Variants in ANXA8 observed in about 807,000 individuals in gnomAD.
ANXA8 encodes annexin A8, also known as VAC-beta.
In ANXA8, 9 loss-of-function variants were observed where a neutral mutation model predicts 26.8. That is an observed-to-expected ratio of 0.34 (90% CI 0.20 to 0.59). The LOEUF is 0.59. ANXA8 is among the 20% of genes least tolerant of loss of function. The pLI, the probability that ANXA8 is intolerant of heterozygous loss-of-function variation, is 0.84. For synonymous variants in ANXA8, 39 were observed against 94.8 expected (o/e 0.41, Z 3.42); for missense variants, 83 against 238.5 (o/e 0.35, Z 4.29).
the ANXA8 span, among the ~76,000 whole-genome samples, chr10:47,659,029 G>A: frequency 3.3e-5 from 5 of 151,016 alleles, no homozygotes; most frequent in East Asian, 2.0e-4. Flanking sequence ...CCGCCACCAC[G>A]CCCGGCTGAT....
the ANXA8 span, among the ~76,000 whole-genome samples, chr10:47,941,197 G>A: frequency 6.8e-6 from 1 of 146,136 alleles, no homozygotes; most frequent in East Asian, 2.1e-4. Context: ...CAGACACCTG[G>A]CAGTATTTTT....
At chr10:47,982,062 G>T in the ANXA8 span, among the ~76,000 whole-genome samples, 1 of 150,904 alleles carries the variant, frequency 6.6e-6, no homozygotes, top group Non-Finnish European at 1.5e-5. Context: ...GCTAAGTTGG[G>T]AGGATTGCTT....
At chr10:47,767,709 C>T in the ANXA8 span, among the ~76,000 whole-genome samples, 1 of 151,676 alleles carries the variant, frequency 6.6e-6, no homozygotes, top group African/African-American at 2.4e-5. Flanking sequence ...GACGCCACCC[C>T]CTGCCCCCGT....
chr10:47,711,716 A>T, the ANXA8 span, among the ~76,000 whole-genome samples: 1 of 121,206 alleles, frequency 8.3e-6, no homozygotes, highest in Non-Finnish European at 1.6e-5. Context: ...GGTCACAGGT[A>T]TAGTGGAGCT....
the ANXA8 span, among the ~76,000 whole-genome samples, chr10:47,974,731 T>C: frequency 6.7e-6 from 1 of 148,428 alleles, no homozygotes; most frequent in African/African-American, 2.4e-5. Context: ...TATTAGTTTC[T>C]ATTTTTATCG....
chr10:47,948,340 G>A, the ANXA8 span, among the ~76,000 whole-genome samples: 2 of 108,656 alleles, frequency 1.8e-5, no homozygotes, highest in Non-Finnish European at 3.6e-5. Context: ...GTTGGAAATA[G>A]CACACAAAGG....
the ANXA8 span, among the ~76,000 whole-genome samples, chr10:47,937,283 C>T: frequency 6.7e-6 from 1 of 149,432 alleles, no homozygotes; most frequent in African/African-American, 2.4e-5. Flanking sequence ...CTGCCACCTA[C>T]ACAGAGAGGT....
chr10:47,610,785 G>A, the ANXA8 span, among the ~76,000 whole-genome samples: 1 of 141,240 alleles, frequency 7.1e-6, no homozygotes, highest in South Asian at 2.3e-4. Flanking sequence ...GATTTGCCAA[G>A]GTCCTTTTCT....
At chr10:47,720,374 C>G in the ANXA8 span, among the ~76,000 whole-genome samples, 1 of 145,890 alleles carries the variant, frequency 6.9e-6, no homozygotes, top group Non-Finnish European at 1.5e-5. Context: ...AACTCATTTT[C>G]CCACCTTAAC....
chr10:47,947,734 T>C, the ANXA8 span, among the ~76,000 whole-genome samples: 1 of 150,608 alleles, frequency 6.6e-6, no homozygotes, highest in African/African-American at 2.5e-5. Context: ...GTACAGCCTG[T>C]GGAACTGTGA....
At chr10:47,502,189 G>A in the ANXA8 span, 24 of 1,541,286 alleles carry the variant, frequency 1.6e-5, 4 homozygotes, top group Non-Finnish European at 2.0e-5. Context: ...GGGCCATGAC[G>A]TCCACCCCGT....
At chr10:47,701,596 A>C in the ANXA8 span, among the ~76,000 whole-genome samples, 2 of 151,688 alleles carry the variant, frequency 1.3e-5, no homozygotes, top group South Asian at 2.1e-4. Context: ...GAAAACATAA[A>C]CCCCCCAAAA....
At chr10:47,496,801 T>G in the ANXA8 span, among the ~76,000 whole-genome samples, 1 of 149,446 alleles carries the variant, frequency 6.7e-6, no homozygotes, top group African/African-American at 2.5e-5. Flanking sequence ...GTTACGAACT[T>G]TTGGCAATTA....
chr10:47,729,657 C>T, the ANXA8 span, among the ~76,000 whole-genome samples: 7 of 151,694 alleles, frequency 4.6e-5, no homozygotes, highest in South Asian at 1.2e-3. Context: ...TAAGAGCACT[C>T]GTCTGATGTA....
the ANXA8 span, among the ~76,000 whole-genome samples, chr10:47,572,430 G>A: frequency 1.3e-5 from 2 of 149,226 alleles, no homozygotes; most frequent in African/African-American, 5.0e-5. Context: ...GAATTTACCT[G>A]TTAGGCCAGT....
At chr10:47,660,907 A>G in the ANXA8 span, among the ~76,000 whole-genome samples, 1 of 151,714 alleles carries the variant, frequency 6.6e-6, no homozygotes, top group East Asian at 1.9e-4. Flanking sequence ...TTGGTATCTA[A>G]AAAGTTTTTC....
At chr10:47,708,724 C>T in the ANXA8 span, among the ~76,000 whole-genome samples, 2 of 151,918 alleles carry the variant, frequency 1.3e-5, no homozygotes, top group Non-Finnish European at 2.9e-5. Context: ...GTTTTACAAA[C>T]CTAGTTCTGA....
At chr10:47,525,681 G>C in the ANXA8 span, among the ~76,000 whole-genome samples, 1 of 136,786 alleles carries the variant, frequency 7.3e-6, no homozygotes, top group Admixed American at 7.6e-5. Context: ...TTTTGCTCTT[G>C]TTGCCCAGTG....
chr10:47,693,338 A>G, the ANXA8 span, among the ~76,000 whole-genome samples: 10,483 of 147,182 alleles, frequency 0.071, 325 homozygotes, highest in African/African-American at 0.14. Context: ...CACCCAGGCT[A>G]GAGTGCAGTG....
Sources: gnomAD v4.1 joint callset for allele counts (sites outside exome capture counted in the v4.1 genomes callset) on GRCh38, gnomAD v4.1.1 for gene constraint, MANE v1.5 for transcripts, NCBI Gene and HGNC (gene_info 2026-07-23, HGNC 2026-07-21) for gene names.